The following COL16A1 variants were observed in gnomAD, a reference collection of about 807,000 sequenced individuals.
The protein encoded by COL16A1 is collagen alpha-1(XVI) chain.
COL16A1 carries 189 observed loss-of-function variants against 266.3 expected under a neutral mutation model. That is an observed-to-expected ratio of 0.71 (90% CI 0.63 to 0.80). The LOEUF is 0.80. Among genes scored for constraint, COL16A1 ranks in the 30% least tolerant of loss-of-function variants. The pLI, the probability that COL16A1 is intolerant of heterozygous loss-of-function variation, is 0.00. For missense variants in COL16A1, 1,928 were observed against 2,122.4 expected, an observed-to-expected ratio of 0.91 and a Z score of 1.80; for synonymous variants, 740 against 782.3, an observed-to-expected ratio of 0.95 and a Z score of 0.90.
rs2148773660 is a variant in COL16A1, at chr1:31,684,551, T to C, written c.2132A>G (p.Gln711Arg). The C allele has an allele frequency of 2.5e-6, 4 of 1,613,604 alleles. No individual in the cohort carries two copies. Among genetic ancestry groups the C allele is most frequent in the Non-Finnish European group, 3.4e-6 (4 of 1,179,890 alleles). ...RPGLSGEPGV[Q>R]GPAGPKGEKG... ...TTCTCCTTTTGGCCCCGCGGGGCCC[T>C]GAACTCCAGGCTCTCCTGACAGTCC... Residue 711 changes from glutamine to arginine, a missense_variant, in exon 31 of 71, where the codon CAG (glutamine) becomes CGG (arginine). Transcript: ENST00000373672.
intron 69 of COL16A1, 70 bp from the exon 70 acceptor site, chr1:31,653,746 AACACAC>A (rs3841648): frequency 0.027 from 35,959 of 1,320,842 alleles, no homozygotes; most frequent in South Asian, 0.041. Context: ...GATTACTTGA[AACACAC>A]ACACACACAC....
rs758745879 is a variant in COL16A1, at chr1:31,688,941, C to T, written c.1687G>A (p.Val563Ile). Reference sequence around the variant, plus strand: ...GAGGACACAAGATGCTGGGCCCCTACAACCGAGCTGCAGGACAAGCAGGGC... The same window carrying T: ...GAGGACACAAGATGCTGGGCCCCTATAACCGAGCTGCAGGACAAGCAGGGC... ...GEPCLSCSSV[V>I]GAQHLVSSTG... is the part of the protein sequence containing the mutation. Residue 563 changes from valine to isoleucine, a missense_variant, in exon 25 of 71, where the codon GTA becomes ATA. Around this residue, in one of 2 missense-constraint regions of COL16A1, gnomAD observed 1,552 missense variants for 1,637.2 expected, o/e 0.95. Transcript: ENST00000373672. The surrounding 1 kb of genome is among the most constrained non-coding windows in gnomAD (Gnocchi z 4.9). 43 of 1,614,048 alleles carry T rather than the reference C, an allele frequency of 2.7e-5. No individual in the cohort carries two copies. The highest frequency in any genetic ancestry group is 2.7e-5 in the Non-Finnish European group (32 of 1,180,014).
chr1:31,698,589 C>A lies in COL16A1; in HGVS notation c.284G>T (p.Gly95Val), dbSNP rs1345732681. Reference sequence around the variant, plus strand: ...CACCAGGGCAAACTCCTCCGGGAGACCCCGAGGGAATACTCTTCTGGAGAT... The same window carrying A: ...CACCAGGGCAAACTCCTCCGGGAGAACCCGAGGGAATACTCTTCTGGAGAT... ...TQPTRRVFPR[G>V]LPEEFALVLT... The change falls in exon 5 of 71, where the codon GGT becomes GTT. Residue 95 changes from glycine to valine, a missense_variant. Transcript: ENST00000373672. The surrounding 1 kb of genome is among the most constrained non-coding windows in gnomAD (Gnocchi z 4.1). The A allele has an allele frequency of 1.2e-6, 2 of 1,613,892 alleles. No homozygotes were observed. The highest frequency in any genetic ancestry group is 2.2e-5 in the East Asian group (1 of 44,858).
rs1557604886 is a variant in COL16A1 at position 31,656,231 on chromosome 1, T to C, written c.4101+169A>G. 9.5e-7 allele frequency: 1 copy of C among 1,049,232 alleles called. No individual in the cohort carries two copies. Among genetic ancestry groups the C allele is most frequent in the East Asian group, 2.7e-5 (1 of 37,208 alleles). The allele number at this position is 1,049,232 out of a possible 1,614,324, so 65.0% of individuals were successfully genotyped here. A position where few individuals can be genotyped will look rare whatever the true frequency, so the allele number is the denominator to read the frequency against. On this transcript the variant is annotated intron_variant, in intron 66 of 70. Transcript: ENST00000373672. This position sits in a 1 kb window ranked among gnomAD's most constrained non-coding sequence, Gnocchi z 4.2. ...TTTCCTTCCCCCCAACCACAGCTAA[T>C]GACCCCATGTGAGAAATTTTCAGAC...
chr1:31,660,715 G>C, intron 61 of COL16A1, 77 bp from the exon 62 acceptor site: 1 of 1,594,272 alleles, frequency 6.3e-7, no homozygotes, highest in African/African-American at 1.3e-5. Context: ...ATGGGAGGGG[G>C]CTGGGCAGAA....
rs1250594721 is a variant in COL16A1, at chr1:31,697,903, C to T, written c.657+3G>A. The T allele has an allele frequency of 6.2e-7, 1 of 1,608,170 alleles. No homozygotes were observed. Among genetic ancestry groups the T allele is most frequent in the Non-Finnish European group, 8.5e-7 (1 of 1,177,190 alleles). ...AGAGGTCAGGGCCTGACCTAGCACT[C>T]ACCGAGACAGGCTTGCCCTGCTCAG... On this transcript the variant is annotated splice_donor_region_variant and intron_variant, in intron 6 of 70. Coordinates refer to ENST00000373672, the MANE Select transcript of COL16A1 (RefSeq NM_001856.4). This position sits in a 1 kb window ranked among gnomAD's most constrained non-coding sequence, Gnocchi z 4.2.
At position 31,659,034 on chromosome 1, in the gene COL16A1, G is replaced by A. The variant is rs1350085216; in HGVS notation, c.3880-70C>T. The A allele has an allele frequency of 5.8e-6, 8 of 1,386,382 alleles. No homozygotes were observed. In the African/African-American group the frequency reaches 1.0e-4, roughly 17 times the overall value. The allele number at this position is 1,386,382 out of a possible 1,614,324, so 85.9% of individuals were successfully genotyped here. A position where few individuals can be genotyped will look rare whatever the true frequency, so the allele number is the denominator to read the frequency against. ...AAGACCCCTGGGAGGCACAGGGCCT[G>A]ACAGCAGAAACAAGCTCTAAACTTC... On this transcript the variant is annotated intron_variant, in intron 62 of 70. Coordinates refer to ENST00000373672, the MANE Select transcript of COL16A1 (RefSeq NM_001856.4).
intron 42 of COL16A1, among the ~76,000 whole-genome samples, chr1:31,676,123 G>A (rs898212946): frequency 6.6e-6 from 1 of 152,020 alleles, no homozygotes; most frequent in Non-Finnish European, 1.5e-5. Context: ...CCGGGAATTC[G>A]AGACCAGCCT....
intron 52 of COL16A1, 189 bp from the exon 53 acceptor site, chr1:31,666,270 A>C: frequency 1.6e-6 from 1 of 631,286 alleles, no homozygotes; most frequent in Non-Finnish European, 2.7e-6. Flanking sequence ...CAGCCTCCTA[A>C]CTCGTCCTGC....
chr1:31,674,471 G>GA (rs1643008445), intron 44 of COL16A1, among the ~76,000 whole-genome samples: 1 of 152,252 alleles, frequency 6.6e-6, no homozygotes, highest in Non-Finnish European at 1.5e-5. Context: ...AGAGCATTAA[G>GA]GCTGTGTACA....
intron 63 of COL16A1, 39 bp from the exon 64 acceptor site, chr1:31,658,616 G>A (rs1026370028): frequency 1.3e-6 from 2 of 1,543,798 alleles, no homozygotes; most frequent in Non-Finnish European, 1.8e-6. Flanking sequence ...GGGGAGGAAA[G>A]CAGGCAAAGT....
Position 31,684,101 on chromosome 1 carries a change from C to A in COL16A1, c.2283+8G>T. ...AGGCAGGGAAGGGCCGGAGGGCAGG[C>A]AACTCACGGGTTTACCAGGTCGGCC... On this transcript the variant is annotated splice_region_variant and intron_variant, in intron 32 of 70. Transcript: ENST00000373672. 2 of 1,598,838 alleles carry A rather than the reference C, an allele frequency of 1.3e-6. No individual in the cohort carries two copies. The highest frequency in any genetic ancestry group is 1.7e-6 in the Non-Finnish European group (2 of 1,171,960).
rs1643901647 is a variant in COL16A1 at position 31,685,041 on chromosome 1, G to A, written c.2017-185C>T. Reference sequence around the variant, plus strand: ...GCCAGACTCTTTGCCTGGGTGACATGAGCAAATTAGCTCATCTATCTCCGT... The same window carrying A: ...GCCAGACTCTTTGCCTGGGTGACATAAGCAAATTAGCTCATCTATCTCCGT... On this transcript the variant is annotated intron_variant, in intron 29 of 70. Transcript: ENST00000373672. The surrounding 1 kb of genome is among the most constrained non-coding windows in gnomAD (Gnocchi z 4.0). Among the ~76,000 whole-genome samples, 1 of 152,224 alleles carries A rather than the reference G, an allele frequency of 6.6e-6. No homozygotes were observed. The highest frequency in any genetic ancestry group is 2.4e-5 in the African/African-American group (1 of 41,454).
intron 34 of COL16A1, 73 bp from the exon 35 acceptor site, chr1:31,683,442 C>T (rs1007975824): frequency 6.2e-7 from 1 of 1,610,782 alleles, no homozygotes; most frequent in Non-Finnish European, 8.5e-7. Context: ...GCCGCACCGG[C>T]AGACCTGGTC....
At chr1:31,683,280 T>G in intron 35 of COL16A1, 33 bp from the exon 36 acceptor site, 1 of 1,614,096 alleles carries the variant, frequency 6.2e-7, no homozygotes, top group South Asian at 1.1e-5. Flanking sequence ...TTAACCCATA[T>G]CCTAGAATGG....
At chr1:31,690,335 C>T in intron 22 of COL16A1, 32 bp downstream of exon 22, 3 of 1,613,026 alleles carry the variant, frequency 1.9e-6, no homozygotes, top group Non-Finnish European at 1.7e-6. Context: ...CCCGTTCCCA[C>T]CCCGATCTGG....
intron 42 of COL16A1, chr1:31,679,088 C>T (rs1643412656): frequency 9.9e-6 from 2 of 202,456 alleles, no homozygotes; most frequent in African/African-American, 4.6e-5. Flanking sequence ...CTTCTCCTGC[C>T]CTCATCCCAT....
intron 26 of COL16A1, among the ~76,000 whole-genome samples, chr1:31,687,381 CAAAAAAA>C (rs60096709): frequency 3.3e-5 from 2 of 59,784 alleles, no homozygotes; most frequent in Admixed American, 3.5e-4. Flanking sequence ...GACTCAGTCT[CAAAAAAA>C]AAAAAAAAAA....
At position 31,652,959 on chromosome 1, in the gene COL16A1, A is replaced by C; in HGVS notation, c.4613-106T>G. ...ACCTTACATTTGATGACTGTTTCTCAAGTTACCACATGTTTTCATGAAGAC... is the reference window on the plus strand; with the variant it reads ...ACCTTACATTTGATGACTGTTTCTCCAGTTACCACATGTTTTCATGAAGAC... On this transcript the variant is annotated intron_variant, in intron 70 of 70. Coordinates refer to ENST00000373672, the MANE Select transcript of COL16A1 (RefSeq NM_001856.4). This position sits in a 1 kb window ranked among gnomAD's most constrained non-coding sequence, Gnocchi z 4.8. The C allele has an allele frequency of 1.7e-6, 2 of 1,147,816 alleles. No individual in the cohort carries two copies. Among genetic ancestry groups the C allele is most frequent in the Non-Finnish European group, 2.3e-6 (2 of 866,198 alleles). 71.1% of individuals were successfully genotyped at this position (1,147,816 alleles called of 1,614,324 possible). A position where few individuals can be genotyped will look rare whatever the true frequency, so the allele number is the denominator to read the frequency against.
Sources: allele counts gnomAD v4.1 joint callset (sites outside exome capture counted in the v4.1 genomes callset), GRCh38; gene constraint gnomAD v4.1.1; regional missense constraint gnomAD v4.1.1; non-coding constraint Gnocchi (gnomAD v3.1); transcripts MANE v1.5; gene names NCBI Gene and HGNC (gene_info 2026-07-23, HGNC 2026-07-21).